Variants in DPP10 observed in about 807,000 individuals in gnomAD.
DPP10 encodes the protein inactive dipeptidyl peptidase 10.
Under a neutral mutation model 120.9 loss-of-function variants are expected in DPP10, and 33 were observed. The ratio of observed to expected loss-of-function variants is 0.27; its 90% CI spans 0.21 to 0.37. DPP10 has a LOEUF of 0.37. DPP10 is among the 10% of genes least tolerant of loss of function. DPP10 has a pLI of 1.00. For synonymous variants in DPP10, 337 were observed against 326.1 expected (o/e 1.03, Z -0.36); for missense variants, 816 against 942.8 (o/e 0.87, Z 1.76).
intron 1 of DPP10, among the ~76,000 whole-genome samples, chr2:114,525,781 A>G (rs546156549): frequency 6.6e-6 from 1 of 152,334 alleles, no homozygotes; most frequent in East Asian, 1.9e-4. Flanking sequence ...GAACATCTCC[A>G]TGAAAGTATC....
chr2:114,607,088 T>C (rs1692875016), intron 1 of DPP10, among the ~76,000 whole-genome samples: 1 of 152,134 alleles, frequency 6.6e-6, no homozygotes, highest in Non-Finnish European at 1.5e-5. Context: ...TCCTAAAAGA[T>C]TAATTCTTAC....
chr2:115,313,854 G>A (rs1011696682), intron 2 of DPP10, among the ~76,000 whole-genome samples: 10 of 152,168 alleles, frequency 6.6e-5, no homozygotes, highest in South Asian at 2.1e-4. Flanking sequence ...ATTACAGGGT[G>A]GACTTATTCA....
In DPP10 at chr2:114,461,929, G is replaced by T. The variant is rs1017330739; in HGVS notation, c.60+19091G>T. The T allele has an allele frequency of 2.6e-5, 26 of 985,302 alleles. No homozygotes were observed. In the African/African-American group the frequency reaches 4.4e-4, roughly 17 times the overall value. The allele number at this position is 985,302 out of a possible 1,614,324, so 61.0% of individuals were successfully genotyped here. On this transcript the variant is annotated intron_variant, in intron 1 of 25. Coordinates refer to ENST00000410059, the MANE Select transcript of DPP10 (RefSeq NM_020868.6). ...AGAGCTGCGTGGAGCTGGTATGCTG[G>T]TTAGGAGGTAGGAAATAATGAGGCC...
At chr2:115,774,329 G>A (rs1266765793) in intron 13 of DPP10, among the ~76,000 whole-genome samples, 2 of 151,956 alleles carry the variant, frequency 1.3e-5, no homozygotes, top group East Asian at 1.9e-4. Context: ...ATTGAGCAAA[G>A]TTTCTTCACT....
intron 1 of DPP10, among the ~76,000 whole-genome samples, chr2:115,004,073 A>G (rs1391352280): frequency 2.0e-5 from 3 of 152,218 alleles, no homozygotes; most frequent in Admixed American, 1.3e-4. Flanking sequence ...TATCGAAGGT[A>G]TAAAACTTAG....
intron 1 of DPP10, among the ~76,000 whole-genome samples, chr2:115,046,820 T>C (rs1486147760): frequency 6.6e-6 from 1 of 152,100 alleles, no homozygotes; most frequent in Non-Finnish European, 1.5e-5. Flanking sequence ...TGCAGGAAGT[T>C]ATTATACATC....
chr2:114,635,707 A>T (rs1216391352), intron 1 of DPP10, among the ~76,000 whole-genome samples: 1 of 151,894 alleles, frequency 6.6e-6, no homozygotes, highest in African/African-American at 2.4e-5. Flanking sequence ...ATACCCTTAA[A>T]AATTGTTCAG....
At chr2:115,466,788 A>G (rs843437) in intron 3 of DPP10, among the ~76,000 whole-genome samples, 152,262 of 152,262 alleles carry the variant, frequency 1, 76,131 homozygotes, top group Non-Finnish European at 1. Context: ...TATGACTGGG[A>G]CAGGTTACTG....
At chr2:115,555,952 G>T (rs2080184612) in intron 5 of DPP10, among the ~76,000 whole-genome samples, 1 of 152,044 alleles carries the variant, frequency 6.6e-6, no homozygotes, top group Non-Finnish European at 1.5e-5. Context: ...AAATAGATTG[G>T]CAAGCAAATA....
chr2:114,541,946 G>A (rs780593252), intron 1 of DPP10, among the ~76,000 whole-genome samples: 4 of 151,306 alleles, frequency 2.6e-5, no homozygotes, highest in African/African-American at 4.9e-5. Flanking sequence ...AGGGAAAAAT[G>A]TAAGTGTAAA....
chr2:115,747,580 C>A (rs997066497), intron 10 of DPP10, among the ~76,000 whole-genome samples: 1 of 147,218 alleles, frequency 6.8e-6, no homozygotes, highest in Non-Finnish European at 1.5e-5. Context: ...TCTCTCAGGG[C>A]TGAATCCCCT....
intron 1 of DPP10, among the ~76,000 whole-genome samples, chr2:114,565,565 G>C (rs1558886400): frequency 1.3e-5 from 2 of 152,216 alleles, no homozygotes; most frequent in Admixed American, 6.5e-5. Context: ...ATTATTTAGT[G>C]AACTCAGCCA....
At chr2:114,843,853 G>A (rs1408686093) in intron 1 of DPP10, among the ~76,000 whole-genome samples, 1 of 151,922 alleles carries the variant, frequency 6.6e-6, no homozygotes, top group African/African-American at 2.4e-5. Flanking sequence ...TACAATGTCT[G>A]GCTTCCCAAG....
intron 5 of DPP10, among the ~76,000 whole-genome samples, chr2:115,576,869 G>T (rs2081699850): frequency 6.6e-6 from 1 of 152,182 alleles, no homozygotes; most frequent in African/African-American, 2.4e-5. Flanking sequence ...AATCTCTCAT[G>T]CATCTTTCTT....
At chr2:114,764,728 T>TAAGA (rs1680565888) in intron 1 of DPP10, among the ~76,000 whole-genome samples, 1 of 152,168 alleles carries the variant, frequency 6.6e-6, no homozygotes, top group Non-Finnish European at 1.5e-5. Context: ...TTTGATGTGT[T>TAAGA]AAGAAAGAAA....
chr2:115,563,290 G>A (rs2080803110), intron 5 of DPP10, among the ~76,000 whole-genome samples: 1 of 152,024 alleles, frequency 6.6e-6, no homozygotes, highest in Non-Finnish European at 1.5e-5. Flanking sequence ...TTATTTTCCT[G>A]TTAGATCTCG....
At chr2:115,646,102 G>C (rs576115430) in intron 5 of DPP10, among the ~76,000 whole-genome samples, 1 of 150,814 alleles carries the variant, frequency 6.6e-6, no homozygotes, top group South Asian at 2.1e-4. Context: ...ATGCACGTGC[G>C]TGCGCGCACA....
intron 1 of DPP10, among the ~76,000 whole-genome samples, chr2:115,220,119 A>G (rs1486905499): frequency 1.3e-5 from 2 of 152,158 alleles, no homozygotes; most frequent in Non-Finnish European, 2.9e-5. Context: ...AACCTTTTAC[A>G]TGGGGAGATT....
chr2:115,826,752 A>G (rs1349451425), intron 21 of DPP10, among the ~76,000 whole-genome samples: 3 of 152,180 alleles, frequency 2.0e-5, no homozygotes, highest in African/African-American at 7.2e-5. Context: ...GTCAGATATT[A>G]ATATAGCCAC....
Sources: gnomAD v4.1 joint callset for allele counts (sites outside exome capture counted in the v4.1 genomes callset) on GRCh38, gnomAD v4.1.1 for gene constraint, MANE v1.5 for transcripts, NCBI Gene and HGNC (gene_info 2026-07-23, HGNC 2026-07-21) for gene names.